ARHGAP6: variants seen among roughly 807,000 people sequenced by gnomAD.
ARHGAP6 encodes the protein Rho GTPase activating protein 6.
ARHGAP6 carries 16 observed loss-of-function variants against 55.7 expected under a neutral mutation model. That is an observed-to-expected ratio of 0.29 (90% CI 0.19 to 0.44). The LOEUF (loss-of-function observed/expected upper bound fraction) is 0.44. ARHGAP6 is among the 20% of genes least tolerant of loss of function. The pLI, the probability that ARHGAP6 is intolerant of heterozygous loss-of-function variation, is 1.00. For synonymous variants in ARHGAP6, 382 were observed against 360.9 expected (o/e 1.06, Z -0.66); for missense variants, 698 against 808.9 (o/e 0.86, Z 1.66).
At chrX:11,241,531 CGTGT>C (rs55815640) in intron 2 of ARHGAP6, among the ~76,000 whole-genome samples, 2,400 of 91,557 alleles carry the variant, frequency 0.026, 28 homozygotes, top group African/African-American at 0.043. Context: ...ATGCTGGATA[CGTGT>C]GTGTGTGTGT....
Position 11,484,777 on chromosome X carries a change from C to A in ARHGAP6, c.588+179464G>T, listed in dbSNP as rs77377896. ...TTCTTGTCATATAAATCATGTTTAG[C>A]ATTTAGTTTGCAATATTACATTTAA... On this transcript the variant is annotated intron_variant, in intron 1 of 12. Transcript: ENST00000337414. Among the ~76,000 whole-genome samples, 4 of 111,328 alleles carry A rather than the reference C, an allele frequency of 3.6e-5. No homozygotes were observed. The East Asian group carries it at 8.4e-4, about 24-fold the overall frequency.
At chrX:11,210,380 C>G (rs1263848723) in intron 2 of ARHGAP6, among the ~76,000 whole-genome samples, 1 of 112,249 alleles carries the variant, frequency 8.9e-6, no homozygotes, top group African/African-American at 3.2e-5. Context: ...TATTGAGGTC[C>G]AAAGAGGAGT....
At chrX:11,574,550 A>C (rs1418966347) in intron 1 of ARHGAP6, among the ~76,000 whole-genome samples, 1 of 109,481 alleles carries the variant, frequency 9.1e-6, no homozygotes, top group Non-Finnish European at 1.9e-5. Flanking sequence ...AACTCTCAAT[A>C]AATTAGGTAT....
intron 9 of ARHGAP6, among the ~76,000 whole-genome samples, chrX:11,162,128 G>T (rs2045955290): frequency 9.0e-6 from 1 of 111,371 alleles, no homozygotes; most frequent in Non-Finnish European, 1.9e-5. Context: ...TGCACATGCT[G>T]GTACCTGAAG....
In ARHGAP6 at chrX:11,298,654, A is replaced by G; in HGVS notation, c.589-43947T>C. The G allele has an allele frequency of 8.3e-7, 1 of 1,210,886 alleles. No individual in the cohort carries two copies. The highest frequency in any genetic ancestry group is 2.3e-4 in the Middle Eastern group (1 of 4,356). ...ACTCACACCCTGCAGCCTCATCACC[A>G]CATCCCAGTGGTGCCAGCTCAGCAG... On this transcript the variant is annotated intron_variant, in intron 1 of 12. Transcript: ENST00000337414.
At chrX:11,319,749 G>A (rs753772475) in intron 1 of ARHGAP6, among the ~76,000 whole-genome samples, 16 of 111,966 alleles carry the variant, frequency 1.4e-4, no homozygotes, top group African/African-American at 3.9e-4. Context: ...TACTTAAATC[G>A]TGGTACATTT....
intron 1 of ARHGAP6, among the ~76,000 whole-genome samples, chrX:11,479,879 T>C (rs1242289994): frequency 9.0e-6 from 1 of 111,289 alleles, no homozygotes. Context: ...GCCTTTACAT[T>C]TGCAAATCTG....
chrX:11,164,888 A>G (rs2045997255), intron 9 of ARHGAP6, among the ~76,000 whole-genome samples: 1 of 112,677 alleles, frequency 8.9e-6, no homozygotes, highest in Non-Finnish European at 1.9e-5. Flanking sequence ...TGGAATTCCC[A>G]ATATTAGTTA....
chrX:11,507,617 G>A lies in ARHGAP6; in HGVS notation c.588+156624C>T, dbSNP rs1430616304. On this transcript the variant is annotated intron_variant, in intron 1 of 12. Coordinates refer to ENST00000337414, the MANE Select transcript of ARHGAP6 (RefSeq NM_013427.3). ...AGAAACTGAGGCTTCTAAAGGTTGA[G>A]GAACCTTCCTAAAGCCATTGTGCCA... 3.6e-5 allele frequency among the ~76,000 whole-genome samples: 4 copies of A among 112,228 alleles called. No individual in the cohort carries two copies. The East Asian group carries it at 8.4e-4, about 24-fold the overall frequency.
chrX:11,641,010 G>A (rs774735473), intron 1 of ARHGAP6, among the ~76,000 whole-genome samples: 111 of 111,130 alleles, frequency 1.0e-3, no homozygotes, highest in African/African-American at 3.6e-3. Flanking sequence ...CAGGGGCATG[G>A]GTGTTTAACA....
At chrX:11,481,595 C>G (rs1201108094) in intron 1 of ARHGAP6, among the ~76,000 whole-genome samples, 2 of 112,423 alleles carry the variant, frequency 1.8e-5, no homozygotes, top group Non-Finnish European at 3.8e-5. Flanking sequence ...AGAATGTGTG[C>G]CAAGTACAGT....
chrX:11,663,052 C>A (rs867704328), intron 1 of ARHGAP6, among the ~76,000 whole-genome samples: 1 of 112,233 alleles, frequency 8.9e-6, no homozygotes, highest in Admixed American at 9.5e-5. Flanking sequence ...TTTTTGTAAT[C>A]TGCACCCCCA....
At chrX:11,434,858 C>G (rs911051192) in intron 1 of ARHGAP6, among the ~76,000 whole-genome samples, 4 of 111,820 alleles carry the variant, frequency 3.6e-5, no homozygotes, top group African/African-American at 1.3e-4. Flanking sequence ...AGTTCCAGAT[C>G]CCCCAGGAAT....
At position 11,424,259 on chromosome X, in the gene ARHGAP6, T is replaced by C. The variant is rs941119803; in HGVS notation, c.589-169552A>G. 2.7e-5 allele frequency among the ~76,000 whole-genome samples: 3 copies of C among 112,450 alleles called. No individual in the cohort carries two copies. In the Admixed American group the frequency reaches 2.8e-4, roughly 11 times the overall value. ...ACATGTGCTGCCTTGAATTCTACTG[T>C]TCTGAGCTTAGATTTCTTCAATCAG... On this transcript the variant is annotated intron_variant, in intron 1 of 12. Coordinates refer to ENST00000337414, the MANE Select transcript of ARHGAP6 (RefSeq NM_013427.3).
At chrX:11,475,536 A>T (rs925010954) in intron 1 of ARHGAP6, among the ~76,000 whole-genome samples, 1 of 104,303 alleles carries the variant, frequency 9.6e-6, no homozygotes, top group Non-Finnish European at 2.0e-5. Context: ...GGTAAAAAGC[A>T]TTTGAGTGTA....
intron 1 of ARHGAP6, among the ~76,000 whole-genome samples, chrX:11,551,731 CAT>C (rs2147084212): frequency 8.9e-6 from 1 of 111,864 alleles, no homozygotes; most frequent in South Asian, 3.8e-4. Flanking sequence ...GAGATACACA[CAT>C]AGAAAGAATG....
chrX:11,200,605 G>T (rs1156829144), intron 2 of ARHGAP6, among the ~76,000 whole-genome samples: 1 of 112,385 alleles, frequency 8.9e-6, no homozygotes, highest in African/African-American at 3.2e-5. Flanking sequence ...GTTAGGGATG[G>T]TATTCCATTT....
At chrX:11,565,910 G>A (rs2051436257) in intron 1 of ARHGAP6, among the ~76,000 whole-genome samples, 1 of 111,534 alleles carries the variant, frequency 9.0e-6, no homozygotes, top group Admixed American at 9.6e-5. Flanking sequence ...ATCAGACTGA[G>A]TCCAACATAA....
At chrX:11,486,713 T>A (rs2050514279) in intron 1 of ARHGAP6, among the ~76,000 whole-genome samples, 1 of 111,379 alleles carries the variant, frequency 9.0e-6, no homozygotes. Context: ...GGTCTGTTGC[T>A]GGGGATCAAG....
Sources: allele counts gnomAD v4.1 joint callset (sites outside exome capture counted in the v4.1 genomes callset), GRCh38; gene constraint gnomAD v4.1.1; transcripts MANE v1.5; gene names NCBI Gene and HGNC (gene_info 2026-07-23, HGNC 2026-07-21).